TRPC1: variants seen among roughly 807,000 people sequenced by gnomAD.
TRPC1 encodes short transient receptor potential channel 1.
In TRPC1, 42 loss-of-function variants were observed where a neutral mutation model predicts 88.2. That is an observed-to-expected ratio of 0.48 (90% CI 0.37 to 0.62). The LOEUF (loss-of-function observed/expected upper bound fraction) is 0.62, where lower values mean the gene tolerates loss of function less well. Ranked by LOEUF, TRPC1 falls within the 20% of genes least tolerant of loss-of-function variation. TRPC1 has a pLI of 0.00. For synonymous variants in TRPC1, 288 were observed against 331.8 expected (o/e 0.87, Z 1.43); for missense variants, 699 against 957.3 (o/e 0.73, Z 3.56).
intron 4 of TRPC1, among the ~76,000 whole-genome samples, chr3:142,750,767 G>T (rs1934734217): frequency 6.6e-6 from 1 of 152,128 alleles, no homozygotes; most frequent in Admixed American, 6.5e-5. Flanking sequence ...CCTTTGCAGG[G>T]ACATGGATGA....
chr3:142,759,598 A>G (rs888557343), intron 4 of TRPC1, among the ~76,000 whole-genome samples: 1 of 152,110 alleles, frequency 6.6e-6, no homozygotes, highest in Non-Finnish European at 1.5e-5. Context: ...GTAGATTGTA[A>G]AAATTTTCTC....
chr3:142,777,659 G>C lies in TRPC1; in HGVS notation c.660G>C (p.Leu220Phe). ...SRFRLDIYRC[L>F]ASPALIMLTE... The stretch of plus-strand genomic sequence containing the variant: ...TTCGTCTTGATATATATCGATGTTT[G>C]GCCAGTCCAGCTCTAATAATGTTAA... The change falls in exon 5 of 13, where the codon TTG becomes TTC. Residue 220 changes from leucine (L) to phenylalanine (F), a missense_variant. Physicochemically the swap from Leu to Phe is conservative, Grantham distance 22. Transcript: ENST00000476941. The C allele has an allele frequency of 6.2e-7, 1 of 1,607,664 alleles. No individual in the cohort carries two copies. The highest frequency in any genetic ancestry group is 8.5e-7 in the Non-Finnish European group (1 of 1,176,230).
chr3:142,742,217 G>C (rs919841352), intron 2 of TRPC1, among the ~76,000 whole-genome samples: 1 of 151,874 alleles, frequency 6.6e-6, no homozygotes, highest in African/African-American at 2.4e-5. Flanking sequence ...AATGGATATA[G>C]CATTCTTTTT....
chr3:142,800,900 T>C (rs952195176), intron 9 of TRPC1, among the ~76,000 whole-genome samples: 9 of 146,714 alleles, frequency 6.1e-5, no homozygotes, highest in East Asian at 2.0e-4. Context: ...GCCTGGGAGA[T>C]AGAGACTGTC....
At position 142,724,875 on chromosome 3, in the gene TRPC1, T is replaced by A; in HGVS notation, c.172+144T>A. Reference sequence around the variant, plus strand: ...CCTCGCCTGCTGCCTCAGGCGGTCTTCTCCTCACCGCCTCTGCCCTGTGAG... The same window carrying A: ...CCTCGCCTGCTGCCTCAGGCGGTCTACTCCTCACCGCCTCTGCCCTGTGAG... On this transcript the variant is annotated intron_variant, in intron 1 of 12. Transcript: ENST00000476941. This position sits in a 1 kb window ranked among gnomAD's most constrained non-coding sequence, Gnocchi z 5.6. The A allele has an allele frequency of 1.0e-6, 1 of 955,382 alleles. No individual in the cohort carries two copies. The allele number at this position is 955,382 out of a possible 1,614,324, so 59.2% of individuals were successfully genotyped here.
At chr3:142,771,908 T>A (rs527912420) in intron 4 of TRPC1, among the ~76,000 whole-genome samples, 22 of 152,184 alleles carry the variant, frequency 1.4e-4, no homozygotes, top group Non-Finnish European at 3.1e-4. Context: ...TTATTTTTCC[T>A]TTATTTTTGA....
At chr3:142,733,310 G>A (rs1376130558) in intron 1 of TRPC1, among the ~76,000 whole-genome samples, 13 of 152,096 alleles carry the variant, frequency 8.5e-5, no homozygotes, top group Admixed American at 8.5e-4. Context: ...TCAGGAGTTC[G>A]AGACCAGGCT....
chr3:142,791,661 T>C (rs1936299660), intron 8 of TRPC1, among the ~76,000 whole-genome samples: 1 of 152,048 alleles, frequency 6.6e-6, no homozygotes, highest in African/African-American at 2.4e-5. Flanking sequence ...TTAAAATGAT[T>C]AGTGTTAGAT....
intron 4 of TRPC1, among the ~76,000 whole-genome samples, chr3:142,754,412 A>G (rs1364623693): frequency 2.0e-5 from 3 of 152,202 alleles, no homozygotes; most frequent in Non-Finnish European, 4.4e-5. Flanking sequence ...TAATTTGCAT[A>G]AAGTATAATA....
chr3:142,754,038 T>C (rs183850338), intron 4 of TRPC1, among the ~76,000 whole-genome samples: 1 of 147,086 alleles, frequency 6.8e-6, no homozygotes, highest in East Asian at 2.0e-4. Context: ...TAAGCTGTGA[T>C]TGCACCACCA....
intron 4 of TRPC1, among the ~76,000 whole-genome samples, chr3:142,760,473 G>T (rs1465914829): frequency 6.6e-6 from 1 of 152,114 alleles, no homozygotes; most frequent in Non-Finnish European, 1.5e-5. Flanking sequence ...ATGCTGTTTG[G>T]GTTACTATAG....
Position 142,776,964 on chromosome 3 carries a change from T to C in TRPC1, c.633-668T>C, listed in dbSNP as rs1384891818. Among the ~76,000 whole-genome samples the C allele has an allele frequency of 6.6e-6, 1 of 151,974 alleles. No individual in the cohort carries two copies. Among genetic ancestry groups the C allele is most frequent in the Non-Finnish European group, 1.5e-5 (1 of 67,986 alleles). ...AGAGAAAGAAAAGATTTATTAGTCATCAAATCCACATCATATTAAAAATTT... is the reference window on the plus strand; with the variant it reads ...AGAGAAAGAAAAGATTTATTAGTCACCAAATCCACATCATATTAAAAATTT... On this transcript the variant is annotated intron_variant, in intron 4 of 12. Coordinates refer to ENST00000476941, the MANE Select transcript of TRPC1 (RefSeq NM_001251845.2). This position sits in a 1 kb window ranked among gnomAD's most constrained non-coding sequence, Gnocchi z 4.1.
chr3:142,806,388 G>A lies in TRPC1; in HGVS notation c.*153G>A, dbSNP rs1396121543. 2 of 675,656 alleles carry A rather than the reference G, an allele frequency of 3.0e-6. No homozygotes were observed. Among genetic ancestry groups the A allele is most frequent in the South Asian group, 2.5e-5 (1 of 39,858 alleles). 41.9% of individuals were successfully genotyped at this position (675,656 alleles called of 1,614,324 possible). The stretch of plus-strand genomic sequence containing the variant: ...TATTTATAGCATAAATATATGTTAT[G>A]TAAAGTGTGTATATAGAATTAGTTT... On this transcript the variant is annotated 3_prime_UTR_variant, in exon 13 of 13. Coordinates refer to ENST00000476941, the MANE Select transcript of TRPC1 (RefSeq NM_001251845.2).
intron 7 of TRPC1, among the ~76,000 whole-genome samples, chr3:142,787,301 G>A (rs1170578615): frequency 2.4e-4 from 36 of 152,048 alleles, no homozygotes; most frequent in Admixed American, 2.3e-3. Context: ...GATCCAAACC[G>A]GCTCTAAGTG....
rs540107907 is a variant in TRPC1, at chr3:142,744,659, C to T, written c.429+1073C>T. Among the ~76,000 whole-genome samples the T allele has an allele frequency of 1.3e-3, 193 of 152,074 alleles. 1 individual carries two copies. Among genetic ancestry groups the T allele is most frequent in the Non-Finnish European group, 9.1e-4 (62 of 67,972 alleles). The stretch of plus-strand genomic sequence containing the variant: ...AATACTTACCACGGTTAAAAATATG[C>T]GTAGAAAAGGGACTGTGTGGAAATG... On this transcript the variant is annotated intron_variant, in intron 3 of 12. Coordinates refer to ENST00000476941, the MANE Select transcript of TRPC1 (RefSeq NM_001251845.2).
intron 1 of TRPC1, among the ~76,000 whole-genome samples, chr3:142,733,568 C>T (rs981266261): frequency 1.3e-5 from 2 of 152,082 alleles, no homozygotes; most frequent in African/African-American, 4.8e-5. Flanking sequence ...AATGTACTTT[C>T]CTTTTTAACA....
At chr3:142,777,887 A>T (rs1237535869) in intron 5 of TRPC1, 124 bp downstream of exon 5, 2 of 1,076,460 alleles carry the variant, frequency 1.9e-6, no homozygotes, top group Admixed American at 2.9e-5. Flanking sequence ...CCTTGTTGCC[A>T]CTTACTTGGC....
intron 9 of TRPC1, among the ~76,000 whole-genome samples, chr3:142,800,610 C>T (rs1936588821): frequency 3.3e-5 from 5 of 151,992 alleles, no homozygotes; most frequent in Admixed American, 2.0e-4. Context: ...TCAAAACACT[C>T]AATTTTGTAC....
Position 142,724,453 on chromosome 3 carries a change from C to T in TRPC1, c.-107C>T, listed in dbSNP as rs1933568585. 3 of 1,152,206 alleles carry T rather than the reference C, an allele frequency of 2.6e-6. No individual in the cohort carries two copies. Among genetic ancestry groups the T allele is most frequent in the African/African-American group, 1.6e-5 (1 of 61,364 alleles). 71.4% of individuals were successfully genotyped at this position (1,152,206 alleles called of 1,614,324 possible). ...CCTCGAGCCGAGGCAGCAGTGGGAACGACTCATCCTTTTTCCAGCCCTGGG... is the reference window on the plus strand; with the variant it reads ...CCTCGAGCCGAGGCAGCAGTGGGAATGACTCATCCTTTTTCCAGCCCTGGG... On this transcript the variant is annotated 5_prime_UTR_variant, in exon 1 of 13. In the 5' UTR this introduces an upstream ATG that the reference lacks. Coordinates refer to ENST00000476941, the MANE Select transcript of TRPC1 (RefSeq NM_001251845.2). The surrounding 1 kb of genome is among the most constrained non-coding windows in gnomAD (Gnocchi z 5.6).
Sources: allele counts gnomAD v4.1 joint callset (sites outside exome capture counted in the v4.1 genomes callset), GRCh38; gene constraint gnomAD v4.1.1; non-coding constraint Gnocchi (gnomAD v3.1); transcripts MANE v1.5; gene names NCBI Gene and HGNC (gene_info 2026-07-23, HGNC 2026-07-21).